The following BCL2L1 variants were observed in gnomAD, a reference collection of about 807,000 sequenced individuals.
The protein encoded by BCL2L1 is BCL2 like 1.
Under a neutral mutation model 18.7 loss-of-function variants are expected in BCL2L1, and 1 was observed. The ratio of observed to expected loss-of-function variants is 0.05; its 90% CI spans 0.02 to 0.25. BCL2L1 has a LOEUF of 0.25. Among genes scored for constraint, BCL2L1 ranks in the 10% least tolerant of loss-of-function variants. BCL2L1 has a pLI of 1.00. For missense variants in BCL2L1, 207 were observed against 304.9 expected, an observed-to-expected ratio of 0.68 and a Z score of 2.39; for synonymous variants, 103 against 122.7, an observed-to-expected ratio of 0.84 and a Z score of 1.06.
At chr20:31,712,972 C>T (rs1470616026) in intron 2 of BCL2L1, among the ~76,000 whole-genome samples, 1 of 152,158 alleles carries the variant, frequency 6.6e-6, no homozygotes, top group Non-Finnish European at 1.5e-5. Context: ...CTCTGTTTCA[C>T]TCCACCCTTT....
chr20:31,688,101 T>G (rs2060992506), intron 2 of BCL2L1, among the ~76,000 whole-genome samples: 1 of 152,104 alleles, frequency 6.6e-6, no homozygotes, highest in South Asian at 2.1e-4. Context: ...ACTTGATACA[T>G]GAAAGTGTTT....
chr20:31,702,530 T>G (rs1320677919), intron 2 of BCL2L1, among the ~76,000 whole-genome samples: 3 of 152,008 alleles, frequency 2.0e-5, no homozygotes, highest in Non-Finnish European at 4.4e-5. Context: ...TTTTATTTTT[T>G]GAGATGGAGT....
At chr20:31,683,769 CAAAAAAAAAAAAAAAA>C (rs372160646) in intron 2 of BCL2L1, among the ~76,000 whole-genome samples, 1,273 of 80,360 alleles carry the variant, frequency 0.016, 9 homozygotes, top group South Asian at 0.066. Flanking sequence ...AACTCCATCT[CAAAAAAAAAAAAAAAA>C]AAAAAAAAAA....
rs764167805 is a variant in BCL2L1, at chr20:31,722,022, T to A, written c.197A>T (p.Asn66Ile). Residue 66 changes from asparagine to isoleucine, a missense_variant, in exon 2 of 3, where the codon AAT (asparagine) becomes ATT (isoleucine). Transcript: ENST00000307677. ...SWHLADSPAV[N>I]GATGHSSSLD... ...ACTGCTGCTGTGGCCAGTGGCTCCA[T>A]TCACCGCGGGGCTGTCTGCCAGGTG... 3.1e-6 allele frequency: 5 copies of A among 1,613,006 alleles called. No individual in the cohort carries two copies. The African/African-American group carries it at 6.7e-5, about 22-fold the overall frequency.
intron 2 of BCL2L1, among the ~76,000 whole-genome samples, chr20:31,699,230 T>A (rs1396669407): frequency 6.6e-6 from 1 of 152,198 alleles, no homozygotes; most frequent in Non-Finnish European, 1.5e-5. Flanking sequence ...ACCATTCCAG[T>A]CATGACCCTG....
chr20:31,687,784 T>C (rs1242166079), intron 2 of BCL2L1, among the ~76,000 whole-genome samples: 3 of 152,024 alleles, frequency 2.0e-5, no homozygotes, highest in South Asian at 2.1e-4. Context: ...GGGTTCCTCA[T>C]AGCTTCCAGG....
intron 2 of BCL2L1, among the ~76,000 whole-genome samples, chr20:31,699,738 C>T (rs1223394878): frequency 6.6e-6 from 1 of 152,224 alleles, no homozygotes; most frequent in Admixed American, 6.5e-5. Context: ...CATGCAACTT[C>T]ACTTATCCAA....
At chr20:31,670,134 T>C (rs1000240519) in intron 2 of BCL2L1, among the ~76,000 whole-genome samples, 2 of 152,054 alleles carry the variant, frequency 1.3e-5, no homozygotes, top group African/African-American at 4.8e-5. Context: ...GGGAGCAGGG[T>C]TGAGGTGGAG....
chr20:31,669,380 C>A (rs557068662), intron 2 of BCL2L1, among the ~76,000 whole-genome samples: 1 of 151,572 alleles, frequency 6.6e-6, no homozygotes, highest in Non-Finnish European at 1.5e-5. Context: ...CCACATTTTT[C>A]CCCCATTAAG....
chr20:31,707,300 G>C (rs2061382284), intron 2 of BCL2L1, among the ~76,000 whole-genome samples: 1 of 152,170 alleles, frequency 6.6e-6, no homozygotes. Flanking sequence ...CTGTCAGCCT[G>C]AAAGTTCACT....
rs2060582273 is a variant in BCL2L1 at position 31,666,070 on chromosome 20, A to T, written c.581T>A (p.Leu194His). ...ENGGWDTFVE[L>H]YGNNAAAESR... Reference sequence around the variant, plus strand: ...CTCGGCTGCTGCATTGTTCCCATAGAGTTCCACAAAAGTATCCTGCAGGGA... The same window carrying T: ...CTCGGCTGCTGCATTGTTCCCATAGTGTTCCACAAAAGTATCCTGCAGGGA... The change falls in exon 3 of 3, where the codon CTC becomes CAC. Residue 194 changes from leucine (L) to histidine (H), a missense_variant. By Grantham distance (99) the Leu-to-His change is moderately conservative. Transcript: ENST00000307677. 6.2e-7 allele frequency: 1 copy of T among 1,613,912 alleles called. No homozygotes were observed. The highest frequency in any genetic ancestry group is 1.3e-5 in the African/African-American group (1 of 74,866).
intron 2 of BCL2L1, among the ~76,000 whole-genome samples, chr20:31,718,091 GT>G (rs1447715978): frequency 9.8e-5 from 15 of 152,320 alleles, no homozygotes; most frequent in African/African-American, 3.1e-4. Context: ...AAGGGCTTTT[GT>G]GCTAGATCCT....
chr20:31,720,723 C>T (rs960929098), intron 2 of BCL2L1: 2 of 983,728 alleles, frequency 2.0e-6, no homozygotes, highest in Admixed American at 6.1e-5. Flanking sequence ...AGTAACCCAG[C>T]CTGTCCAAGG....
chr20:31,723,339 G>C, upstream of BCL2L1: 4 of 985,538 alleles, frequency 4.1e-6, no homozygotes, highest in Non-Finnish European at 4.8e-6. Context: ...GAGGCGCTGG[G>C]CCTCTCCTCA....
intron 2 of BCL2L1, among the ~76,000 whole-genome samples, chr20:31,710,825 T>A (rs1030334477): frequency 1.3e-5 from 2 of 152,352 alleles, no homozygotes; most frequent in East Asian, 1.9e-4. Context: ...GGGCAGAAAC[T>A]TTTTTTGTAG....
Position 31,676,400 on chromosome 20 carries a change from T to C in BCL2L1, c.565-10314A>G, listed in dbSNP as rs113826442. On this transcript the variant is annotated intron_variant, in intron 2 of 2. Transcript: ENST00000307677. The stretch of plus-strand genomic sequence containing the variant: ...GTCACAGAGGCCACAAGTGGTAGAG[T>C]TGGGATTTGAATACAGGCAGTCTGT... 1.7e-3 allele frequency among the ~76,000 whole-genome samples: 256 copies of C among 151,788 alleles called. 3 individuals are homozygous for C. Among genetic ancestry groups the C allele is most frequent in the African/African-American group, 6.0e-3 (247 of 41,330 alleles).
At chr20:31,674,932 A>ACTG (rs1458685373) in intron 2 of BCL2L1, among the ~76,000 whole-genome samples, 1 of 151,538 alleles carries the variant, frequency 6.6e-6, no homozygotes, top group Non-Finnish European at 1.5e-5. Flanking sequence ...TTGGCAGCAA[A>ACTG]CCCCATATTC....
intron 2 of BCL2L1, among the ~76,000 whole-genome samples, chr20:31,707,993 A>G (rs1185661324): frequency 6.6e-6 from 1 of 152,190 alleles, no homozygotes; most frequent in Non-Finnish European, 1.5e-5. Context: ...GACACCAGGA[A>G]TACCAGGAGC....
chr20:31,719,817 GC>G (rs2061594227), intron 2 of BCL2L1, among the ~76,000 whole-genome samples: 1 of 152,184 alleles, frequency 6.6e-6, no homozygotes, highest in Non-Finnish European at 1.5e-5. Flanking sequence ...TTTATAGCTG[GC>G]AACAACCCAC....
Sources: gnomAD v4.1 joint callset for allele counts (sites outside exome capture counted in the v4.1 genomes callset) on GRCh38, gnomAD v4.1.1 for gene constraint, MANE v1.5 for transcripts, NCBI Gene and HGNC (gene_info 2026-07-23, HGNC 2026-07-21) for gene names.